TTC12: variants seen among roughly 807,000 people sequenced by gnomAD.
The protein encoded by TTC12 is tetratricopeptide repeat protein 12.
TTC12 carries 70 observed loss-of-function variants against 90.1 expected under a neutral mutation model. The ratio of observed to expected loss-of-function variants is 0.78; its 90% confidence interval spans 0.64 to 0.95. The LOEUF is 0.95. Ranked by LOEUF, TTC12 falls within the 40% of genes least tolerant of loss-of-function variation. The probability of loss-of-function intolerance (pLI) is 0.00; values close to 1 mark genes in which losing one functional copy is unlikely to be tolerated. For synonymous variants in TTC12, 296 were observed against 311.5 expected (o/e 0.95, Z 0.53); for missense variants, 819 against 846.1 (o/e 0.97, Z 0.40).
chr11:113,326,456 C>T (rs1417814475), intron 6 of TTC12, among the ~76,000 whole-genome samples: 1 of 152,020 alleles, frequency 6.6e-6, no homozygotes, highest in Non-Finnish European at 1.5e-5. Flanking sequence ...GACTTGATGC[C>T]CTGTCATTTG....
chr11:113,341,130 T>C (rs1948657028), intron 11 of TTC12, among the ~76,000 whole-genome samples: 1 of 152,140 alleles, frequency 6.6e-6, no homozygotes, highest in Non-Finnish European at 1.5e-5. Context: ...CTCAGGAGGC[T>C]GAGGCACGAG....
chr11:113,339,461 A>C lies in TTC12; in HGVS notation c.813A>C (p.Glu271Asp). 6.2e-7 allele frequency: 1 copy of C among 1,611,068 alleles called. No individual in the cohort carries two copies. Among genetic ancestry groups the C allele is most frequent in the Non-Finnish European group, 8.5e-7 (1 of 1,179,114 alleles). ...CTGGGGGGATTGAGATCCTGACTGA[A>C]ATGATAAATGAGTGTAAGCCAGAGA... is the stretch of plus-strand genomic sequence containing the variant. Reference protein sequence around the residue: ...FYAGGIEILTEMINECTEQTL... With the variant: ...FYAGGIEILTDMINECTEQTL... The change falls in exon 10 of 22, where the codon GAA (glutamate) becomes GAC (aspartate). Residue 271 changes from glutamate to aspartate, a missense_variant. Physicochemically the swap from Glu to Asp is conservative, Grantham distance 45. Coordinates refer to ENST00000529221, the MANE Select transcript of TTC12 (RefSeq NM_017868.4).
intron 4 of TTC12, 104 bp downstream of exon 4, chr11:113,324,119 C>A: frequency 1.1e-6 from 1 of 912,802 alleles, no homozygotes; most frequent in East Asian, 2.5e-5. Context: ...AGCTTACAAA[C>A]AACCTGTGAA....
chr11:113,341,953 C>A (rs782205796), intron 12 of TTC12, 28 bp downstream of exon 12: 9 of 1,579,674 alleles, frequency 5.7e-6, no homozygotes, highest in Non-Finnish European at 1.7e-6. Flanking sequence ...CCGTTGATCA[C>A]CATTAATGCG....
intron 2 of TTC12, among the ~76,000 whole-genome samples, chr11:113,317,924 G>A (rs1214870670): frequency 6.6e-6 from 1 of 152,134 alleles, no homozygotes; most frequent in Non-Finnish European, 1.5e-5. Context: ...TGTCCACTAT[G>A]GTAGCAACTA....
chr11:113,352,088 A>G lies in TTC12; in HGVS notation c.1327A>G (p.Ser443Gly). Residue 443 changes from serine to glycine, a missense_variant, in exon 16 of 22, where the codon AGC (serine) becomes GGC (glycine). Transcript: ENST00000529221. ...CATTTAGAAGACAGATCCCAAGGTA[A>G]GCAGCTCCTCGGCTCTGTGCCAGTG... is the stretch of plus-strand genomic sequence containing the variant. ...TGVLKTDPKV[S>G]SSSALCQCIA... 1 of 1,613,952 alleles carries G rather than the reference A, an allele frequency of 6.2e-7. No individual in the cohort carries two copies. Among genetic ancestry groups the G allele is most frequent in the Non-Finnish European group, 8.5e-7 (1 of 1,179,908 alleles).
intron 1 of TTC12, chr11:113,315,291 C>G (rs1320086453): frequency 6.6e-6 from 1 of 152,160 alleles, no homozygotes; most frequent in Admixed American, 6.5e-5. Flanking sequence ...CTTACTGTTC[C>G]CATAGTATGG....
At position 113,329,907 on chromosome 11, in the gene TTC12, G is replaced by A; in HGVS notation, c.445-13G>A. ...GAATTGTGTGTGAATATCAGCTGTT[G>A]GTTTCATTACAGGCTTATATGAAAC... On this transcript the variant is annotated splice_polypyrimidine_tract_variant and intron_variant, in intron 6 of 21. Coordinates refer to ENST00000529221, the MANE Select transcript of TTC12 (RefSeq NM_017868.4). The A allele has an allele frequency of 6.2e-7, 1 of 1,610,654 alleles. No homozygotes were observed. The highest frequency in any genetic ancestry group is 8.5e-7 in the Non-Finnish European group (1 of 1,176,864).
At chr11:113,320,673 G>A (rs927807304) in intron 2 of TTC12, among the ~76,000 whole-genome samples, 1 of 152,326 alleles carries the variant, frequency 6.6e-6, no homozygotes, top group Middle Eastern at 3.4e-3. Context: ...TTGTGAAAAG[G>A]CAGATGTCCG....
intron 11 of TTC12, chr11:113,341,549 A>C: frequency 2.3e-6 from 1 of 425,916 alleles, no homozygotes; most frequent in Non-Finnish European, 4.3e-6. Flanking sequence ...TGGAGTCACC[A>C]GTACATGTCT....
Position 113,316,213 on chromosome 11 carries a change from T to C in TTC12, c.-15-30T>C, listed in dbSNP as rs782379871. On this transcript the variant is annotated intron_variant, in intron 1 of 21. Transcript: ENST00000529221. ...CGTTCTGTTTAGTGCTTTATTATTA[T>C]TAATTTCACCATTATGCTGCATCCC... The C allele has an allele frequency of 5.2e-6, 6 of 1,152,390 alleles. No individual in the cohort carries two copies. The South Asian group carries it at 8.1e-5, about 16-fold the overall frequency. 71.4% of individuals were successfully genotyped at this position (1,152,390 alleles called of 1,614,324 possible). A position where few individuals can be genotyped will look rare whatever the true frequency, so the allele number is the denominator to read the frequency against.
intron 8 of TTC12, among the ~76,000 whole-genome samples, chr11:113,336,100 T>G (rs1555143971): frequency 1.3e-5 from 2 of 152,192 alleles, no homozygotes; most frequent in Admixed American, 1.3e-4. Flanking sequence ...TATTTTTTTA[T>G]TATAGCTATT....
intron 6 of TTC12, among the ~76,000 whole-genome samples, chr11:113,326,863 G>A (rs1555141216): frequency 6.6e-6 from 1 of 152,166 alleles, no homozygotes; most frequent in South Asian, 2.1e-4. Flanking sequence ...TATAGCAGAT[G>A]TTCAATAAAT....
chr11:113,325,836 A>T, intron 6 of TTC12, 191 bp downstream of exon 6: 1 of 676,486 alleles, frequency 1.5e-6, no homozygotes, highest in South Asian at 2.1e-5. Flanking sequence ...TCTCACCATG[A>T]TCTAATTTGG....
At chr11:113,351,406 A>G in intron 15 of TTC12, 107 bp downstream of exon 15, 2 of 923,982 alleles carry the variant, frequency 2.2e-6, no homozygotes, top group Non-Finnish European at 3.5e-6. Context: ...CTCTCGGTTG[A>G]TTAGTCATTT....
intron 2 of TTC12, among the ~76,000 whole-genome samples, chr11:113,320,594 G>T (rs1947249740): frequency 1.3e-5 from 2 of 152,304 alleles, no homozygotes; most frequent in Non-Finnish European, 2.9e-5. Context: ...AGTCCTGTGT[G>T]TGACCTGATT....
At chr11:113,368,330 C>T, downstream of TTC12, 1 of 1,546,208 alleles carries the variant, frequency 6.5e-7, no homozygotes, top group Non-Finnish European at 8.7e-7. Flanking sequence ...CCGCCCCAAA[C>T]TTGTTACCCC....
chr11:113,362,327 C>T (rs1555155442), intron 18 of TTC12, 74 bp from the exon 19 acceptor site: 20 of 1,125,696 alleles, frequency 1.8e-5, no homozygotes, highest in South Asian at 1.3e-5. Context: ...CCTCACCAAA[C>T]TCCCCGTTAG....
intron 14 of TTC12, among the ~76,000 whole-genome samples, chr11:113,350,753 T>A (rs948217799): frequency 2.0e-5 from 3 of 152,226 alleles, no homozygotes; most frequent in African/African-American, 7.2e-5. Context: ...GACACCTTGC[T>A]TAGAGATGAT....
Sources: allele counts gnomAD v4.1 joint callset (sites outside exome capture counted in the v4.1 genomes callset), GRCh38; gene constraint gnomAD v4.1.1; transcripts MANE v1.5; gene names NCBI Gene and HGNC (gene_info 2026-07-23, HGNC 2026-07-21).